The following ERBB4 variants were observed in gnomAD, a reference collection of about 807,000 sequenced individuals.
ERBB4 encodes erb-b2 receptor tyrosine kinase 4, also known as receptor tyrosine-protein kinase erbB-4.
Under a neutral mutation model 158.0 loss-of-function variants are expected in ERBB4, and 42 were observed. The observed-to-expected ratio is 0.27, with a 90% CI of 0.21 to 0.34. The LOEUF is 0.34. Ranked by LOEUF, ERBB4 falls within the 10% of genes least tolerant of loss-of-function variation. ERBB4 has a pLI of 1.00. For missense variants in ERBB4, 1,333 were observed against 1,624.1 expected, an observed-to-expected ratio of 0.82 and a Z score of 3.08; for synonymous variants, 583 against 558.7, an observed-to-expected ratio of 1.04 and a Z score of -0.61.
chr2:211,845,213 C>G (rs115171136), intron 3 of ERBB4, among the ~76,000 whole-genome samples: 1,608 of 152,082 alleles, frequency 0.011, 22 homozygotes, highest in African/African-American at 0.037. Flanking sequence ...CTCAAATATA[C>G]CAATACCCTA....
chr2:212,492,674 A>G (rs1019927839), intron 1 of ERBB4, among the ~76,000 whole-genome samples: 4 of 151,448 alleles, frequency 2.6e-5, no homozygotes, highest in South Asian at 2.1e-4. Flanking sequence ...GTATAGGATA[A>G]AGGTGTCAGG....
chr2:211,813,191 T>G (rs1476365497), intron 3 of ERBB4, among the ~76,000 whole-genome samples: 1 of 152,192 alleles, frequency 6.6e-6, no homozygotes, highest in Non-Finnish European at 1.5e-5. Flanking sequence ...GAAATCAAGA[T>G]TGTTGATTTT....
At position 211,615,968 on chromosome 2, in the gene ERBB4, A is replaced by G. The variant is rs150226605; in HGVS notation, c.2301+3209T>C. Among the ~76,000 whole-genome samples the G allele has an allele frequency of 5.3e-5, 8 of 152,278 alleles. No homozygotes were observed. In the East Asian group the frequency reaches 1.5e-3, roughly 29 times the overall value. On this transcript the variant is annotated intron_variant, in intron 19 of 27. Coordinates refer to ENST00000342788, the MANE Select transcript of ERBB4 (RefSeq NM_005235.3). ...GAAGAACTGTACAAACAAGCATACA[A>G]ATACAAATATGCACATACGCTAGTT...
At chr2:211,462,381 T>C (rs1374569315) in intron 20 of ERBB4, among the ~76,000 whole-genome samples, 1 of 152,068 alleles carries the variant, frequency 6.6e-6, no homozygotes, top group African/African-American at 2.4e-5. Flanking sequence ...ATCCAAACCA[T>C]ATCGGAGTGA....
chr2:211,657,230 C>T lies in ERBB4; in HGVS notation c.1946+524G>A, dbSNP rs145459899. On this transcript the variant is annotated intron_variant, in intron 16 of 27. Transcript: ENST00000342788. ...GACTACACAAATTAAAAATCGAGGC[C>T]GGGCACAGTGGCTCACACTTGTAAT... is the stretch of plus-strand genomic sequence containing the variant. Among the ~76,000 whole-genome samples, 344 of 152,076 alleles carry T rather than the reference C, an allele frequency of 2.3e-3. 3 individuals are homozygous for T. Among genetic ancestry groups the T allele is most frequent in the African/African-American group, 8.0e-3 (333 of 41,502 alleles).
At chr2:211,885,354 T>G (rs1037920812) in intron 3 of ERBB4, among the ~76,000 whole-genome samples, 3 of 152,038 alleles carry the variant, frequency 2.0e-5, no homozygotes, top group Non-Finnish European at 1.5e-5. Context: ...TCTATAGTGA[T>G]AGTAAAGAAA....
chr2:212,260,887 T>G (rs1419729950), intron 1 of ERBB4, among the ~76,000 whole-genome samples: 1 of 151,592 alleles, frequency 6.6e-6, no homozygotes, highest in Non-Finnish European at 1.5e-5. Flanking sequence ...AAGAAAAGGG[T>G]GACAGGAAAA....
chr2:211,413,066 A>T (rs950369118), intron 25 of ERBB4, among the ~76,000 whole-genome samples: 4 of 151,836 alleles, frequency 2.6e-5, no homozygotes, highest in African/African-American at 9.7e-5. Flanking sequence ...GAGGCCAAGG[A>T]GGGAGGATTG....
chr2:211,487,344 T>C (rs2065233049), intron 20 of ERBB4, among the ~76,000 whole-genome samples: 1 of 151,102 alleles, frequency 6.6e-6, no homozygotes, highest in African/African-American at 2.4e-5. Flanking sequence ...ATGTACTATG[T>C]TAACCTCACT....
chr2:211,422,455 G>T lies in ERBB4; in HGVS notation c.2867-351C>A, dbSNP rs1451072408. The stretch of plus-strand genomic sequence containing the variant: ...ACAAACGGGAAAAGAGGAATTAAAA[G>T]CAACTTTCTTGTGCTACATTTGTCC... On this transcript the variant is annotated intron_variant, in intron 23 of 27. Coordinates refer to ENST00000342788, the MANE Select transcript of ERBB4 (RefSeq NM_005235.3). Among the ~76,000 whole-genome samples the T allele has an allele frequency of 3.6e-5, 5 of 137,478 alleles. No homozygotes were observed. The South Asian group carries it at 1.2e-3, about 32-fold the overall frequency. 90.2% of individuals were successfully genotyped at this position (137,478 alleles called of 152,430 possible). A position where few individuals can be genotyped will look rare whatever the true frequency, so the allele number is the denominator to read the frequency against.
intron 1 of ERBB4, among the ~76,000 whole-genome samples, chr2:212,432,725 C>T (rs1014293204): frequency 2.0e-5 from 3 of 152,100 alleles, no homozygotes; most frequent in African/African-American, 7.2e-5. Context: ...ACACATTTAA[C>T]ATCATTAATA....
intron 3 of ERBB4, among the ~76,000 whole-genome samples, chr2:211,896,655 C>A (rs994938486): frequency 1.3e-5 from 2 of 151,988 alleles, no homozygotes; most frequent in Non-Finnish European, 2.9e-5. Context: ...CAAAATGATC[C>A]TTTTAAAATT....
chr2:211,970,815 C>A (rs2081432179), intron 2 of ERBB4, among the ~76,000 whole-genome samples: 1 of 152,138 alleles, frequency 6.6e-6, no homozygotes, highest in Non-Finnish European at 1.5e-5. Flanking sequence ...ACCAATGGGT[C>A]TTGGTTCCTT....
intron 1 of ERBB4, among the ~76,000 whole-genome samples, chr2:212,335,927 C>A (rs2088418767): frequency 6.6e-6 from 1 of 151,742 alleles, no homozygotes; most frequent in Non-Finnish European, 1.5e-5. Context: ...AAAAGGTATC[C>A]CTAATTCAAG....
chr2:211,395,947 A>G (rs1350530883), intron 25 of ERBB4, among the ~76,000 whole-genome samples: 1 of 152,006 alleles, frequency 6.6e-6, no homozygotes, highest in Non-Finnish European at 1.5e-5. Flanking sequence ...ATGCAATAAG[A>G]TACTGTTTAG....
intron 1 of ERBB4, among the ~76,000 whole-genome samples, chr2:212,366,029 G>T (rs759271789): frequency 6.6e-6 from 1 of 151,764 alleles, no homozygotes; most frequent in Non-Finnish European, 1.5e-5. Context: ...CTAAGAAAAT[G>T]CCCTAAAAAT....
intron 1 of ERBB4, among the ~76,000 whole-genome samples, chr2:212,151,870 A>AT (rs146629138): frequency 6.6e-6 from 1 of 152,050 alleles, no homozygotes; most frequent in Non-Finnish European, 1.5e-5. Context: ...GCTAAAAAAT[A>AT]TTTTTTTAAG....
At chr2:212,431,319 A>AAC (rs1236869066) in intron 1 of ERBB4, among the ~76,000 whole-genome samples, 4 of 151,142 alleles carry the variant, frequency 2.6e-5, no homozygotes, top group Admixed American at 1.3e-4. Context: ...AAAAAAAAAA[A>AAC]AAAAAAAAAA....
intron 20 of ERBB4, among the ~76,000 whole-genome samples, chr2:211,475,544 T>C (rs770601633): frequency 1.2e-4 from 19 of 152,074 alleles, no homozygotes; most frequent in Non-Finnish European, 2.6e-4. Flanking sequence ...TATAATGACA[T>C]ATAAATATGG....
Sources: allele counts gnomAD v4.1 joint callset (sites outside exome capture counted in the v4.1 genomes callset), GRCh38; gene constraint gnomAD v4.1.1; transcripts MANE v1.5; gene names NCBI Gene and HGNC (gene_info 2026-07-23, HGNC 2026-07-21).